RNF111: variants seen among roughly 807,000 people sequenced by gnomAD.
The protein encoded by RNF111 is E3 ubiquitin-protein ligase Arkadia.
RNF111 carries 17 observed loss-of-function variants against 95.1 expected under a neutral mutation model. That is an observed-to-expected ratio of 0.18 (90% CI 0.12 to 0.27). RNF111 has a LOEUF of 0.27. Ranked by LOEUF, RNF111 falls within the 10% of genes least tolerant of loss-of-function variation. The pLI, the probability that RNF111 is intolerant of heterozygous loss-of-function variation, is 1.00. For missense variants in RNF111, 1,189 were observed against 1,210.4 expected, an observed-to-expected ratio of 0.98 and a Z score of 0.26; for synonymous variants, 440 against 414.8, an observed-to-expected ratio of 1.06 and a Z score of -0.74.
intron 1 of RNF111, among the ~76,000 whole-genome samples, chr15:58,998,314 A>G (rs1337927054): frequency 6.6e-6 from 1 of 151,156 alleles, no homozygotes; most frequent in Non-Finnish European, 1.5e-5. Flanking sequence ...AACTTGTGTC[A>G]TAGAGTTTGT....
At chr15:59,071,904 T>A (rs1258371186) in intron 6 of RNF111, among the ~76,000 whole-genome samples, 1 of 152,142 alleles carries the variant, frequency 6.6e-6, no homozygotes, top group Non-Finnish European at 1.5e-5. Context: ...TCACATGAAT[T>A]TTTTTGTTTC....
Position 59,055,808 on chromosome 15 carries a change from T to C in RNF111, c.1134T>C (p.Asn378=). ...ISTVIQPLRQ[N]AAEVVDLTVD... is the part of the protein sequence containing the mutation. ...CTGTTATACAGCCCTTGAGGCAGAATGCAGCAGAAGTTGTGGACCTTACCG... is the reference window on the plus strand; with the variant it reads ...CTGTTATACAGCCCTTGAGGCAGAACGCAGCAGAAGTTGTGGACCTTACCG... The change falls in exon 4 of 14, where the codon AAT becomes AAC. Residue 378 remains asparagine (N), a synonymous_variant. Coordinates refer to ENST00000348370, the MANE Select transcript of RNF111 (RefSeq NM_017610.8). 1.9e-6 allele frequency: 3 copies of C among 1,613,866 alleles called. No homozygotes were observed. Among genetic ancestry groups the C allele is most frequent in the Non-Finnish European group, 2.5e-6 (3 of 1,179,894 alleles).
chr15:59,073,926 A>G (rs891502902), intron 6 of RNF111, among the ~76,000 whole-genome samples: 11 of 152,230 alleles, frequency 7.2e-5, no homozygotes, highest in African/African-American at 2.7e-4. Context: ...TGTGTTAGGT[A>G]TGAAAACATT....
chr15:59,063,303 C>G (rs150164123), intron 5 of RNF111, among the ~76,000 whole-genome samples: 273 of 152,260 alleles, frequency 1.8e-3, no homozygotes, highest in African/African-American at 6.3e-3. Context: ...TCATTTTCAC[C>G]TTTGTATTAT....
At chr15:58,998,154 C>T (rs988166977) in intron 1 of RNF111, among the ~76,000 whole-genome samples, 12 of 152,046 alleles carry the variant, frequency 7.9e-5, no homozygotes, top group African/African-American at 2.7e-4. Context: ...CCGCCAGCCT[C>T]GGCCTCCCAA....
At chr15:59,017,234 C>T (rs763319218) in intron 1 of RNF111, among the ~76,000 whole-genome samples, 1 of 151,762 alleles carries the variant, frequency 6.6e-6, no homozygotes, top group Non-Finnish European at 1.5e-5. Flanking sequence ...CTGTGTAGGC[C>T]ACGATAATTT....
At chr15:59,003,918 T>G (rs1238043805) in intron 1 of RNF111, 1 of 163,638 alleles carries the variant, frequency 6.1e-6, no homozygotes, top group Admixed American at 6.4e-5. Context: ...TCAGTGATAC[T>G]GTATCTTCTA....
chr15:58,988,586 C>T (rs980624228), intron 1 of RNF111, among the ~76,000 whole-genome samples: 1 of 152,220 alleles, frequency 6.6e-6, no homozygotes, highest in East Asian at 1.9e-4. Context: ...TACTATTGTC[C>T]TTCGATAATT....
At position 59,010,995 on chromosome 15, in the gene RNF111, G is replaced by A. The variant is rs577018291; in HGVS notation, c.-19-19809G>A. Among the ~76,000 whole-genome samples, 30 of 152,166 alleles carry A rather than the reference G, an allele frequency of 2.0e-4. 1 individual carries two copies. The highest frequency in any genetic ancestry group is 1.8e-3 in the Admixed American group (28 of 15,284). On this transcript the variant is annotated intron_variant, in intron 1 of 13. Transcript: ENST00000348370. ...TCTAATTTCCCCTTTTCTCCCTAAC[G>A]GTCATCGTTCTAGACAGATAGTTGT...
intron 3 of RNF111, among the ~76,000 whole-genome samples, chr15:59,054,217 G>T (rs891254635): frequency 6.6e-6 from 1 of 152,136 alleles, no homozygotes; most frequent in African/African-American, 2.4e-5. Context: ...GATTACAGGC[G>T]TGAGCCACCA....
chr15:59,035,710 A>T (rs1483096823), intron 2 of RNF111, among the ~76,000 whole-genome samples: 4 of 152,234 alleles, frequency 2.6e-5, no homozygotes, highest in African/African-American at 4.8e-5. Context: ...TCTAAGGCAG[A>T]GGCAAAATGC....
rs1219671366 is a variant in RNF111 at position 59,066,936 on chromosome 15, A to G, written c.1539A>G (p.Gln513=). 2 of 1,613,938 alleles carry G rather than the reference A, an allele frequency of 1.2e-6. No homozygotes were observed. Among genetic ancestry groups the G allele is most frequent in the Admixed American group, 1.7e-5 (1 of 59,994 alleles). ...SCFQQHGHHF[Q]HHHHHHHTPH... is the part of the protein sequence containing the mutation. ...TTCAGCAGCATGGTCACCATTTTCA[A>G]CATCATCACCACCACCACCATACTC... Residue 513 remains glutamine (Q), a synonymous_variant, in exon 6 of 14, where the codon CAA becomes CAG. Transcript: ENST00000348370.
chr15:59,090,643 T>C (rs1399714786), intron 11 of RNF111, among the ~76,000 whole-genome samples: 1 of 152,258 alleles, frequency 6.6e-6, no homozygotes, highest in Non-Finnish European at 1.5e-5. Flanking sequence ...CATACATACA[T>C]ACATACTGAC....
At chr15:58,992,285 T>C (rs1431005197) in intron 1 of RNF111, among the ~76,000 whole-genome samples, 2 of 152,166 alleles carry the variant, frequency 1.3e-5, no homozygotes, top group Non-Finnish European at 2.9e-5. Context: ...TCTCAGGTGA[T>C]TCGCCCGTCT....
At chr15:59,029,009 G>T (rs768313009) in intron 1 of RNF111, among the ~76,000 whole-genome samples, 1 of 151,872 alleles carries the variant, frequency 6.6e-6, no homozygotes, top group Non-Finnish European at 1.5e-5. Context: ...CGAACTCCTG[G>T]CCTCCAGTGA....
At chr15:59,070,724 T>C (rs1380761247) in intron 6 of RNF111, among the ~76,000 whole-genome samples, 4 of 152,132 alleles carry the variant, frequency 2.6e-5, no homozygotes, top group Non-Finnish European at 4.4e-5. Context: ...CACACCCCTT[T>C]CCTTTCAGCA....
intron 1 of RNF111, among the ~76,000 whole-genome samples, chr15:59,017,300 A>G (rs924891702): frequency 6.6e-6 from 1 of 152,184 alleles, no homozygotes; most frequent in Non-Finnish European, 1.5e-5. Flanking sequence ...GTCATTCAGC[A>G]TATGTGACAA....
At chr15:59,074,373 C>A (rs2043073585) in intron 6 of RNF111, among the ~76,000 whole-genome samples, 1 of 152,212 alleles carries the variant, frequency 6.6e-6, no homozygotes, top group African/African-American at 2.4e-5. Context: ...CATGGAAAAT[C>A]TGTTATTCAC....
intron 1 of RNF111, among the ~76,000 whole-genome samples, chr15:59,015,269 C>T (rs1414693761): frequency 2.0e-5 from 3 of 152,002 alleles, no homozygotes; most frequent in African/African-American, 4.8e-5. Context: ...TGAAGGCTTT[C>T]TTTGCATACT....
Sources: gnomAD v4.1 joint callset for allele counts (sites outside exome capture counted in the v4.1 genomes callset) on GRCh38, gnomAD v4.1.1 for gene constraint, MANE v1.5 for transcripts, NCBI Gene and HGNC (gene_info 2026-07-23, HGNC 2026-07-21) for gene names.